The following CTNNB1 variants were observed in gnomAD, a reference collection of about 807,000 sequenced individuals.
CTNNB1 encodes catenin beta-1.
CTNNB1 carries 6 observed loss-of-function variants against 82.5 expected under a neutral mutation model. That is an observed-to-expected ratio of 0.07 (90% CI 0.04 to 0.14). The LOEUF (loss-of-function observed/expected upper bound fraction) is 0.14. CTNNB1 is among the 10% of genes least tolerant of loss of function. The pLI is 1.00. For missense variants in CTNNB1, 529 were observed against 980.4 expected, an observed-to-expected ratio of 0.54 and a Z score of 6.15; for synonymous variants, 312 against 329.7, an observed-to-expected ratio of 0.95 and a Z score of 0.58.
Position 41,225,783 on chromosome 3 carries a change from C to T in CTNNB1, c.858C>T (p.Leu286=), listed in dbSNP as rs763232334. 1.2e-6 allele frequency: 2 copies of T among 1,614,096 alleles called. No homozygotes were observed. The highest frequency in any genetic ancestry group is 2.7e-5 in the African/African-American group (2 of 75,050). Residue 286 remains leucine (L), a synonymous_variant, in exon 6 of 15, where the codon CTC becomes CTT. Coordinates refer to ENST00000349496, the MANE Select transcript of CTNNB1 (RefSeq NM_001904.4). This position sits in a 1 kb window ranked among gnomAD's most constrained non-coding sequence, Gnocchi z 5.3. ...GGCTGCAGAAAATGGTTGCCTTGCT[C>T]AACAAAACAAATGTTAAATTCTTGG... ...AGGLQKMVAL[L]NKTNVKFLAI... is the part of the protein sequence containing the mutation.
At chr3:41,237,469 C>CAAAAAAAAAAAAA (rs2078464633) in intron 13 of CTNNB1, 2 of 90,864 alleles carry the variant, frequency 2.2e-5, no homozygotes, top group African/African-American at 7.4e-5. Context: ...AAAAAAAAAG[C>CAAAAAAAAAAAAA]AAATTACCAG....
At chr3:41,230,651 G>A (rs1474896304) in intron 7 of CTNNB1, among the ~76,000 whole-genome samples, 2 of 152,172 alleles carry the variant, frequency 1.3e-5, no homozygotes, top group Non-Finnish European at 2.9e-5. Flanking sequence ...TTAATGGGGA[G>A]GGGAATTGTC....
intron 1 of CTNNB1, among the ~76,000 whole-genome samples, chr3:41,218,395 A>T (rs1398359655): frequency 6.6e-6 from 1 of 152,126 alleles, no homozygotes; most frequent in Non-Finnish European, 1.5e-5. Flanking sequence ...GTTCCTCCTT[A>T]TAGTTCTTCT....
Position 41,214,251 on chromosome 3 carries a change from C to G in CTNNB1, c.-48-9770C>G, listed in dbSNP as rs535918935. 2.0e-5 allele frequency among the ~76,000 whole-genome samples: 3 copies of G among 152,210 alleles called. No homozygotes were observed. In the South Asian group the frequency reaches 6.2e-4, roughly 32 times the overall value. ...AAAAATACAATGCCAGGGCCCTTCC[C>G]CAGCCCCTCTGATAGAGAACCTCTT... is the stretch of plus-strand genomic sequence containing the variant. On this transcript the variant is annotated intron_variant, in intron 1 of 14. Coordinates refer to ENST00000349496, the MANE Select transcript of CTNNB1 (RefSeq NM_001904.4).
rs2125622643 is a variant in CTNNB1 at position 41,225,412 on chromosome 3, C to T, written c.574C>T (p.Pro192Ser). The change falls in exon 5 of 15, where the codon CCT becomes TCT. Residue 192 changes from proline to serine, a missense_variant. Transcript: ENST00000349496. The surrounding 1 kb of genome is among the most constrained non-coding windows in gnomAD (Gnocchi z 5.3). ...TTCCAGACACGCTATCATGCGTTCT[C>T]CTCAGATGGTGTCTGCTATTGTACG... ...EASRHAIMRSPQMVSAIVRTM... is the reference protein window; with the variant it reads ...EASRHAIMRSSQMVSAIVRTM... 1 of 1,613,912 alleles carries T rather than the reference C, an allele frequency of 6.2e-7. No individual in the cohort carries two copies. Among genetic ancestry groups the T allele is most frequent in the Admixed American group, 1.7e-5 (1 of 59,912 alleles).
chr3:41,219,445 T>G (rs1402311880), intron 1 of CTNNB1, among the ~76,000 whole-genome samples: 1 of 152,206 alleles, frequency 6.6e-6, no homozygotes, highest in Non-Finnish European at 1.5e-5. Flanking sequence ...TCAAGGGGCT[T>G]TTTATGTATA....
chr3:41,222,328 C>T (rs2125612851), intron 1 of CTNNB1: 2 of 152,290 alleles, frequency 1.3e-5, no homozygotes, highest in East Asian at 3.9e-4. Flanking sequence ...GTGGATCTGC[C>T]TCCAGAGCAG....
chr3:41,233,980 G>T lies in CTNNB1; in HGVS notation c.1524+113G>T, dbSNP rs763047359. 33 of 1,424,006 alleles carry T rather than the reference G, an allele frequency of 2.3e-5. 2 individuals are homozygous for T. In the South Asian group the frequency reaches 3.7e-4, roughly 16 times the overall value. 88.2% of individuals were successfully genotyped at this position (1,424,006 alleles called of 1,614,324 possible). ...CAATAAGTAGGAATTGTATTCCTTA[G>T]TAAGTAGGAAGTATGGCTGCGATAG... On this transcript the variant is annotated intron_variant, in intron 9 of 14. Transcript: ENST00000349496.
At chr3:41,219,151 T>G (rs2077983145) in intron 1 of CTNNB1, among the ~76,000 whole-genome samples, 1 of 152,248 alleles carries the variant, frequency 6.6e-6, no homozygotes, top group Admixed American at 6.5e-5. Context: ...TTTTGGCTGC[T>G]TATGTTAATA....
At chr3:41,200,079 CG>C (rs1225056881) in intron 1 of CTNNB1, 3 of 65,316 alleles carry the variant, frequency 4.6e-5, no homozygotes, top group South Asian at 5.4e-4. Flanking sequence ...GGGGTGGGGA[CG>C]GGGGGCTCCG....
In CTNNB1 at chr3:41,225,059, C is replaced by T. The variant is rs770107882; in HGVS notation, c.347C>T (p.Ala116Val). ...GMQIPSTQFD[A>V]AHPTNVQRLA... ...CAGATCCCATCTACACAGTTTGATGCTGCTCATCCCACTAATGTCCAGCGT... is the reference window on the plus strand; with the variant it reads ...CAGATCCCATCTACACAGTTTGATGTTGCTCATCCCACTAATGTCCAGCGT... Residue 116 changes from alanine (A) to valine (V), a missense_variant, in exon 4 of 15, where the codon GCT (alanine) becomes GTT (valine). Ala to Val is a moderately conservative substitution (Grantham distance 64). Coordinates refer to ENST00000349496, the MANE Select transcript of CTNNB1 (RefSeq NM_001904.4). The surrounding 1 kb of genome is among the most constrained non-coding windows in gnomAD (Gnocchi z 5.3). 40 of 1,613,994 alleles carry T rather than the reference C, an allele frequency of 2.5e-5. 1 individual carries two copies. Among genetic ancestry groups the T allele is most frequent in the Non-Finnish European group, 3.2e-5 (38 of 1,180,000 alleles).
rs1024798088 is a variant in CTNNB1, at chr3:41,240,075, CTAATTTTT to C, written c.*734_*741del. 1.1e-4 allele frequency: 15 copies of C among 139,324 alleles called. No homozygotes were observed. The highest frequency in any genetic ancestry group is 4.4e-4 in the African/African-American group (14 of 31,780). 8.6% of individuals were successfully genotyped at this position (139,324 alleles called of 1,614,324 possible). ...ATAGTGAATACTGCTACAGCAATTT[CTAATTTTT>C]AAGAATTGAGTAATGGTGTAGAACA... On this transcript the variant is annotated 3_prime_UTR_variant, in exon 15 of 15. Coordinates refer to ENST00000349496, the MANE Select transcript of CTNNB1 (RefSeq NM_001904.4).
At chr3:41,233,109 G>A (rs1272139286) in intron 7 of CTNNB1, 8 of 592,158 alleles carry the variant, frequency 1.4e-5, no homozygotes, top group Non-Finnish European at 1.2e-5. Flanking sequence ...AGGCTTTTTC[G>A]GCTTAGGAAA....
chr3:41,236,539 A>G, intron 12 of CTNNB1, 40 bp downstream of exon 12: 5 of 1,614,200 alleles, frequency 3.1e-6, no homozygotes, highest in South Asian at 1.1e-5. Flanking sequence ...AGATGTGTAC[A>G]TTGAAGTCTC....
At position 41,240,109 on chromosome 3, in the gene CTNNB1, C is replaced by CTAA. The variant is rs1553633183; in HGVS notation, c.*769_*771dup. On this transcript the variant is annotated 3_prime_UTR_variant, in exon 15 of 15. Transcript: ENST00000349496. ...AAGAATTGAGTAATGGTGTAGAACA[C>CTAA]TAATTCATAATCACTCTAATTAATT... is the stretch of plus-strand genomic sequence containing the variant. 194 of 199,656 alleles carry CTAA rather than the reference C, an allele frequency of 9.7e-4. 1 individual carries two copies. Among genetic ancestry groups the CTAA allele is most frequent in the African/African-American group, 4.4e-3 (186 of 42,746 alleles). 12.4% of individuals were successfully genotyped at this position (199,656 alleles called of 1,614,324 possible). A position where few individuals can be genotyped will look rare whatever the true frequency, so the allele number is the denominator to read the frequency against.
intron 1 of CTNNB1, among the ~76,000 whole-genome samples, chr3:41,209,734 T>C (rs529637522): frequency 1.6e-4 from 25 of 152,278 alleles, no homozygotes; most frequent in Admixed American, 6.5e-4. Flanking sequence ...TCTAAACGTA[T>C]TGAAACATAG....
At position 41,207,816 on chromosome 3, in the gene CTNNB1, C is replaced by T. The variant is rs535020922; in HGVS notation, c.-49+8146C>T. 6.6e-5 allele frequency among the ~76,000 whole-genome samples: 10 copies of T among 152,250 alleles called. No homozygotes were observed. In the South Asian group the frequency reaches 1.9e-3, roughly 28 times the overall value. The stretch of plus-strand genomic sequence containing the variant: ...ATTCCAGCTGTAACCTAGCCTTCTC[C>T]CCAAGAATGCTACTTCCCTTGCAGC... On this transcript the variant is annotated intron_variant, in intron 1 of 14. Coordinates refer to ENST00000349496, the MANE Select transcript of CTNNB1 (RefSeq NM_001904.4).
intron 2 of CTNNB1, chr3:41,224,290 C>T: frequency 4.2e-6 from 3 of 719,786 alleles, no homozygotes; most frequent in African/African-American, 1.8e-5. Context: ...GCTTCTGGAG[C>T]CTGGATGCAG....
chr3:41,201,424 A>G (rs1010692818), intron 1 of CTNNB1, among the ~76,000 whole-genome samples: 21 of 152,170 alleles, frequency 1.4e-4, no homozygotes, highest in East Asian at 3.8e-4. Flanking sequence ...TTTGCGCCCA[A>G]TATTCATTAC....
Sources: allele counts gnomAD v4.1 joint callset (sites outside exome capture counted in the v4.1 genomes callset), GRCh38; gene constraint gnomAD v4.1.1; non-coding constraint Gnocchi (gnomAD v3.1); transcripts MANE v1.5; gene names NCBI Gene and HGNC (gene_info 2026-07-23, HGNC 2026-07-21).